Variants in FYB2 observed in about 807,000 individuals in gnomAD.
The protein encoded by FYB2 is FYN-binding protein 2.
FYB2 carries 103 observed loss-of-function variants against 94.1 expected under a neutral mutation model. The observed-to-expected ratio is 1.09, with a 90% CI of 0.93 to 1.29. FYB2 has a LOEUF of 1.29. FYB2 is among the 50% of genes most tolerant of loss of function. FYB2 has a pLI of 0.00. For synonymous variants in FYB2, 293 were observed against 287.9 expected (o/e 1.02, Z -0.18); for missense variants, 896 against 841.5 (o/e 1.06, Z -0.80).
rs1167707624 is a variant in FYB2, at chr1:56,719,633, C to G, written c.*38G>C. 2.6e-6 allele frequency: 4 copies of G among 1,554,524 alleles called. No individual in the cohort carries two copies. Among genetic ancestry groups the G allele is most frequent in the Non-Finnish European group, 3.5e-6 (4 of 1,141,190 alleles). On this transcript the variant is annotated 3_prime_UTR_variant, in exon 20 of 20. Transcript: ENST00000343433. ...CAGGACTAGGATCTTAGGACTAGTT[C>G]TCCTTTGTGCAGTCCATAGCATTTG...
At chr1:56,754,235 T>C (rs1392722034) in intron 7 of FYB2, among the ~76,000 whole-genome samples, 3 of 152,022 alleles carry the variant, frequency 2.0e-5, no homozygotes, top group African/African-American at 4.8e-5. Flanking sequence ...CAAACTCATC[T>C]CCTGCTGCTT....
chr1:56,722,754 C>G (rs913120188), intron 17 of FYB2, among the ~76,000 whole-genome samples: 1 of 152,046 alleles, frequency 6.6e-6, no homozygotes, highest in African/African-American at 2.4e-5. Context: ...ATGCAAAGAT[C>G]AGGACATAAA....
chr1:56,754,217 T>C (rs45525042), intron 7 of FYB2, among the ~76,000 whole-genome samples: 13,968 of 152,062 alleles, frequency 0.092, 818 homozygotes, highest in East Asian at 0.23. Context: ...GGCTCGTACC[T>C]TTCTTTCCAA....
chr1:56,775,112 G>C (rs1364187313), intron 4 of FYB2, among the ~76,000 whole-genome samples: 2 of 152,202 alleles, frequency 1.3e-5, no homozygotes, highest in South Asian at 2.1e-4. Flanking sequence ...GATCATGTGA[G>C]TCAATACTCC....
intron 4 of FYB2, among the ~76,000 whole-genome samples, chr1:56,774,967 C>G (rs1288307798): frequency 6.6e-6 from 1 of 152,064 alleles, no homozygotes; most frequent in Non-Finnish European, 1.5e-5. Context: ...TGCCAGGGCT[C>G]TCAGGCCTTC....
chr1:56,798,479 A>G (rs1646450643), intron 1 of FYB2, among the ~76,000 whole-genome samples: 1 of 152,180 alleles, frequency 6.6e-6, no homozygotes, highest in Non-Finnish European at 1.5e-5. Flanking sequence ...AGACATTGCT[A>G]TTTCAGAAGA....
At chr1:56,743,207 A>C (rs1399925634) in intron 11 of FYB2, among the ~76,000 whole-genome samples, 1 of 151,996 alleles carries the variant, frequency 6.6e-6, no homozygotes, top group Admixed American at 6.6e-5. Context: ...ATACCTCCCC[A>C]TTACTTTTTC....
intron 4 of FYB2, among the ~76,000 whole-genome samples, chr1:56,770,821 G>A (rs61127715): frequency 0.066 from 10,008 of 152,108 alleles, 974 homozygotes; most frequent in African/African-American, 0.21. Flanking sequence ...AAAATTGGAC[G>A]AAAGTATATT....
intron 17 of FYB2, among the ~76,000 whole-genome samples, chr1:56,722,478 T>C (rs1038136907): frequency 1.3e-5 from 2 of 152,066 alleles, no homozygotes; most frequent in East Asian, 3.9e-4. Flanking sequence ...AGAAGAGTAA[T>C]TTATTTAATT....
intron 4 of FYB2, among the ~76,000 whole-genome samples, chr1:56,771,942 G>C (rs1431025608): frequency 1.4e-5 from 2 of 147,278 alleles, no homozygotes; most frequent in South Asian, 4.2e-4. Context: ...ATATTTTCTA[G>C]AAAATATTTT....
At chr1:56,721,267 T>C (rs2100473242) in intron 17 of FYB2, among the ~76,000 whole-genome samples, 1 of 152,220 alleles carries the variant, frequency 6.6e-6, no homozygotes, top group South Asian at 2.1e-4. Context: ...AGGTACCTAC[T>C]TCTCCAAATT....
At chr1:56,755,762 C>T (rs1645313291) in intron 7 of FYB2, 134 bp downstream of exon 7, 2 of 839,186 alleles carry the variant, frequency 2.4e-6, no homozygotes, top group Admixed American at 2.2e-5. Flanking sequence ...TACTAGGCAC[C>T]TTGCAAGGTG....
chr1:56,722,811 A>T (rs1644511053), intron 17 of FYB2, among the ~76,000 whole-genome samples: 1 of 152,028 alleles, frequency 6.6e-6, no homozygotes, highest in South Asian at 2.1e-4. Flanking sequence ...ACCATTTTGC[A>T]AGGGGGAATT....
intron 1 of FYB2, among the ~76,000 whole-genome samples, chr1:56,811,826 T>C (rs1425275023): frequency 6.6e-6 from 1 of 152,214 alleles, no homozygotes; most frequent in Non-Finnish European, 1.5e-5. Flanking sequence ...TTTAAAAGGG[T>C]GTGGAAGGTG....
intron 12 of FYB2, 85 bp from the exon 13 acceptor site, chr1:56,740,880 CA>C (rs1330806045): frequency 1.2e-6 from 1 of 826,670 alleles, no homozygotes; most frequent in Non-Finnish European, 1.8e-6. Context: ...AATCAAATGC[CA>C]CATGTTCTCA....
intron 1 of FYB2, among the ~76,000 whole-genome samples, chr1:56,818,381 T>C (rs1414268500): frequency 6.6e-6 from 1 of 150,756 alleles, no homozygotes; most frequent in Non-Finnish European, 1.5e-5. Flanking sequence ...AAAACCAAAC[T>C]TGTGGGTGAG....
chr1:56,720,423 T>G (rs1644463855), intron 17 of FYB2, 94 bp from the exon 18 acceptor site: 1 of 1,135,630 alleles, frequency 8.8e-7, no homozygotes, highest in Admixed American at 2.9e-5. Flanking sequence ...ACTTCAAAAT[T>G]AACTCAAGAT....
intron 15 of FYB2, 115 bp downstream of exon 15, chr1:56,736,972 G>T (rs546952861): frequency 1.2e-6 from 1 of 815,090 alleles, no homozygotes; most frequent in Non-Finnish European, 2.0e-6. Context: ...ATCTTAAGTT[G>T]ACTTTTCATT....
At chr1:56,808,037 T>C (rs892963736) in intron 1 of FYB2, among the ~76,000 whole-genome samples, 1 of 152,212 alleles carries the variant, frequency 6.6e-6, no homozygotes, top group Non-Finnish European at 1.5e-5. Flanking sequence ...GTTTGCATTG[T>C]TGTCAAGAGG....
Sources: gnomAD v4.1 joint callset for allele counts (sites outside exome capture counted in the v4.1 genomes callset) on GRCh38, gnomAD v4.1.1 for gene constraint, MANE v1.5 for transcripts, NCBI Gene and HGNC (gene_info 2026-07-23, HGNC 2026-07-21) for gene names.